The following ATRNL1 variants were observed in gnomAD, a reference collection of about 807,000 sequenced individuals.
ATRNL1 encodes the protein attractin-like protein 1.
In ATRNL1, 95 loss-of-function variants were observed where a neutral mutation model predicts 182.7. The observed-to-expected ratio is 0.52, with a 90% CI of 0.44 to 0.62. ATRNL1 has a LOEUF of 0.62. Ranked by LOEUF, ATRNL1 falls within the 20% of genes least tolerant of loss-of-function variation. The pLI, the probability that ATRNL1 is intolerant of heterozygous loss-of-function variation, is 0.00. For missense variants in ATRNL1, 1,471 were observed against 1,679.5 expected (o/e 0.88, Z 2.17); for synonymous variants, 576 against 568.3 (o/e 1.01, Z -0.19).
chr10:115,279,751 G>A (rs1202286432), intron 13 of ATRNL1, among the ~76,000 whole-genome samples: 7 of 152,118 alleles, frequency 4.6e-5, no homozygotes, highest in Admixed American at 4.6e-4. Flanking sequence ...TAAATTAAGA[G>A]GTGTAGACCA....
Position 115,220,164 on chromosome 10 carries a change from A to G in ATRNL1, c.1532+4284A>G, listed in dbSNP as rs1849397695. On this transcript the variant is annotated intron_variant, in intron 9 of 28. Transcript: ENST00000355044. ...CACCTTTTGAACTGCAGTCTCTCCT[A>G]AAAGACTACAAATGTCTTCAGCAAT... Among the ~76,000 whole-genome samples, 4 of 152,166 alleles carry G rather than the reference A, an allele frequency of 2.6e-5. No individual in the cohort carries two copies. In the South Asian group the frequency reaches 8.3e-4, roughly 31 times the overall value.
At position 115,397,398 on chromosome 10, in the gene ATRNL1, TA is replaced by T. The variant is rs368786198; in HGVS notation, c.3269+2648del. 2.0e-5 allele frequency among the ~76,000 whole-genome samples: 3 copies of T among 152,094 alleles called. No individual in the cohort carries two copies. In the East Asian group the frequency reaches 5.8e-4, roughly 29 times the overall value. ...GATATCATATCTTATATATTCTTAA[TA>T]ACCATCCTAAACTGAAATCGGTTCT... is the stretch of plus-strand genomic sequence containing the variant. On this transcript the variant is annotated intron_variant, in intron 20 of 28. Coordinates refer to ENST00000355044, the MANE Select transcript of ATRNL1 (RefSeq NM_207303.4).
chr10:115,462,161 A>G lies in ATRNL1; in HGVS notation c.3417+126A>G, dbSNP rs563818317. 3 of 524,596 alleles carry G rather than the reference A, an allele frequency of 5.7e-6. No homozygotes were observed. In the South Asian group the frequency reaches 1.3e-4, roughly 22 times the overall value. 32.5% of individuals were successfully genotyped at this position (524,596 alleles called of 1,614,324 possible). A position where few individuals can be genotyped will look rare whatever the true frequency, so the allele number is the denominator to read the frequency against. The stretch of plus-strand genomic sequence containing the variant: ...GGCCTTTGTAGAAACTACTAATCCT[A>G]TTAATTTTTTCTCTCTTCGTGATTC... On this transcript the variant is annotated intron_variant, in intron 22 of 28. Coordinates refer to ENST00000355044, the MANE Select transcript of ATRNL1 (RefSeq NM_207303.4).
intron 21 of ATRNL1, among the ~76,000 whole-genome samples, chr10:115,447,112 G>T (rs1221894186): frequency 6.6e-6 from 1 of 151,520 alleles, no homozygotes; most frequent in Non-Finnish European, 1.5e-5. Context: ...TAAACATAAA[G>T]AATAGTTTAT....
intron 26 of ATRNL1, among the ~76,000 whole-genome samples, chr10:115,559,138 T>A (rs1384937438): frequency 6.6e-6 from 1 of 152,206 alleles, no homozygotes; most frequent in Non-Finnish European, 1.5e-5. Context: ...AACACCCTGC[T>A]CATGAAGCAG....
intron 15 of ATRNL1, among the ~76,000 whole-genome samples, chr10:115,287,535 A>T (rs377458440): frequency 2.0e-5 from 3 of 152,148 alleles, no homozygotes; most frequent in East Asian, 3.9e-4. Context: ...TTTCTATGGT[A>T]AGTACATTTT....
chr10:115,795,492 A>C (rs1949630163), intron 27 of ATRNL1, among the ~76,000 whole-genome samples: 1 of 152,154 alleles, frequency 6.6e-6, no homozygotes, highest in Admixed American at 6.5e-5. Flanking sequence ...CCCATGTATT[A>C]GTCCGTTCTC....
chr10:115,850,497 G>A (rs1456576962), intron 28 of ATRNL1, among the ~76,000 whole-genome samples: 1 of 152,110 alleles, frequency 6.6e-6, no homozygotes, highest in African/African-American at 2.4e-5. Flanking sequence ...TATTTGAGAG[G>A]AAATATATCC....
At chr10:115,864,029 G>T (rs1260000428) in intron 28 of ATRNL1, among the ~76,000 whole-genome samples, 1 of 152,148 alleles carries the variant, frequency 6.6e-6, no homozygotes, top group Non-Finnish European at 1.5e-5. Flanking sequence ...CACACTGAAA[G>T]ATTGAATAGA....
intron 27 of ATRNL1, among the ~76,000 whole-genome samples, chr10:115,803,307 G>GT (rs149778010): frequency 8.0e-4 from 121 of 152,060 alleles, no homozygotes; most frequent in African/African-American, 2.7e-3. Flanking sequence ...TTTTTAAGTG[G>GT]TTTTTTTCCT....
At chr10:115,827,187 C>T (rs1390916458) in intron 27 of ATRNL1, among the ~76,000 whole-genome samples, 2 of 152,124 alleles carry the variant, frequency 1.3e-5, no homozygotes, top group African/African-American at 4.8e-5. Context: ...ACAGAGGGAG[C>T]CTCCAACGTC....
chr10:115,814,359 A>C (rs1249101555), intron 27 of ATRNL1, among the ~76,000 whole-genome samples: 2 of 152,092 alleles, frequency 1.3e-5, no homozygotes, highest in Non-Finnish European at 2.9e-5. Context: ...TCCCAAGAGA[A>C]TTTTCAAGAC....
chr10:115,863,701 C>G (rs1951369709), intron 28 of ATRNL1, among the ~76,000 whole-genome samples: 1 of 152,238 alleles, frequency 6.6e-6, no homozygotes, highest in East Asian at 1.9e-4. Context: ...GCTGAGAGGT[C>G]CTAGAAGCAA....
At chr10:115,622,784 A>G (rs1316540761) in intron 26 of ATRNL1, among the ~76,000 whole-genome samples, 4 of 152,170 alleles carry the variant, frequency 2.6e-5, no homozygotes, top group Middle Eastern at 3.4e-3. Flanking sequence ...AAAATTAGCC[A>G]GGCAAGGTGG....
intron 20 of ATRNL1, among the ~76,000 whole-genome samples, chr10:115,420,374 A>G (rs1845596373): frequency 6.6e-6 from 1 of 152,136 alleles, no homozygotes; most frequent in Non-Finnish European, 1.5e-5. Flanking sequence ...AGTCATATCA[A>G]GTATTTTTTT....
At chr10:115,927,309 T>G (rs782624529) in intron 28 of ATRNL1, among the ~76,000 whole-genome samples, 49 of 152,172 alleles carry the variant, frequency 3.2e-4, no homozygotes, top group Non-Finnish European at 5.9e-5. Context: ...TCATATTGAA[T>G]GGGCAAAACC....
intron 27 of ATRNL1, among the ~76,000 whole-genome samples, chr10:115,760,537 C>A (rs553253207): frequency 6.6e-6 from 1 of 152,116 alleles, no homozygotes; most frequent in South Asian, 2.1e-4. Context: ...TTCCTATTAT[C>A]CTATTACCCT....
chr10:115,587,354 C>T (rs956791092), intron 26 of ATRNL1, among the ~76,000 whole-genome samples: 5 of 152,002 alleles, frequency 3.3e-5, no homozygotes, highest in Non-Finnish European at 5.9e-5. Flanking sequence ...GCCCCTCCCC[C>T]AGCCTCGCTG....
Position 115,266,704 on chromosome 10 carries a change from G to A in ATRNL1, c.1773-93G>A, listed in dbSNP as rs1326652597. 4 of 691,174 alleles carry A rather than the reference G, an allele frequency of 5.8e-6. No homozygotes were observed. The East Asian group carries it at 8.1e-5, about 14-fold the overall frequency. The allele number at this position is 691,174 out of a possible 1,614,324, so 42.8% of individuals were successfully genotyped here. A position where few individuals can be genotyped will look rare whatever the true frequency, so the allele number is the denominator to read the frequency against. On this transcript the variant is annotated intron_variant, in intron 11 of 28. Transcript: ENST00000355044. Reference sequence around the variant, plus strand: ...AGAAGTACTTAAAATAGTATAAAATGTATATTTAAATCTATGCTTATTTTT... The same window carrying A: ...AGAAGTACTTAAAATAGTATAAAATATATATTTAAATCTATGCTTATTTTT...
Sources: allele counts gnomAD v4.1 joint callset (sites outside exome capture counted in the v4.1 genomes callset), GRCh38; gene constraint gnomAD v4.1.1; transcripts MANE v1.5; gene names NCBI Gene and HGNC (gene_info 2026-07-23, HGNC 2026-07-21).